The following ZNF536 variants were observed in gnomAD, a reference collection of about 807,000 sequenced individuals.
ZNF536 encodes the protein zinc finger protein 536.
Under a neutral mutation model 84.5 loss-of-function variants are expected in ZNF536, and 13 were observed. That is an observed-to-expected ratio of 0.15 (90% CI 0.10 to 0.24). The LOEUF (loss-of-function observed/expected upper bound fraction) is 0.24, where lower values mean the gene tolerates loss of function less well. Among genes scored for constraint, ZNF536 ranks in the 10% least tolerant of loss-of-function variants. ZNF536 has a pLI of 1.00. For missense variants in ZNF536, 1,536 were observed against 1,747.5 expected (o/e 0.88, Z 2.16); for synonymous variants, 811 against 742.5 (o/e 1.09, Z -1.50).
chr19:30,564,304 A>G (rs2046276039), intron 1 of ZNF536, among the ~76,000 whole-genome samples: 1 of 152,178 alleles, frequency 6.6e-6, no homozygotes, highest in Non-Finnish European at 1.5e-5. Context: ...ATCTAAAAAA[A>G]AGAAAAAAGG....
At chr19:30,361,802 G>A (rs1029834079) in intron 3 of ZNF536, among the ~76,000 whole-genome samples, 5 of 145,344 alleles carry the variant, frequency 3.4e-5, no homozygotes, top group Admixed American at 1.4e-4. Context: ...TGGCAAGGCA[G>A]GCGTCCTCCA....
In ZNF536 at chr19:30,482,929, C is replaced by T. The variant is rs150956744; in HGVS notation, c.2170+37197C>T. Among the ~76,000 whole-genome samples, 485 of 152,288 alleles carry T rather than the reference C, an allele frequency of 3.2e-3. 5 individuals are homozygous for T. Among genetic ancestry groups the T allele is most frequent in the African/African-American group, 0.011 (465 of 41,570 alleles). On this transcript the variant is annotated intron_variant, in intron 2 of 4. Transcript: ENST00000355537. ...ATAGCGCCCTCCTCTGGGTCCACCC[C>T]TTGCTTGGTGCTGTATGCTTCTTGC...
At chr19:30,660,955 GT>G (rs1252480159) in intron 1 of ZNF536, among the ~76,000 whole-genome samples, 1 of 152,148 alleles carries the variant, frequency 6.6e-6, no homozygotes, top group Non-Finnish European at 1.5e-5. Flanking sequence ...CGCCTGTTTC[GT>G]TTTGTGCAAA....
intron 1 of ZNF536, among the ~76,000 whole-genome samples, chr19:30,383,451 G>A (rs995198510): frequency 1.3e-5 from 2 of 152,178 alleles, no homozygotes; most frequent in African/African-American, 4.8e-5. Flanking sequence ...AGTTCCAGGA[G>A]GCCCTGTGGA....
chr19:30,341,233 A>G (rs1429970311), intron 2 of ZNF536, among the ~76,000 whole-genome samples: 1 of 152,210 alleles, frequency 6.6e-6, no homozygotes, highest in Non-Finnish European at 1.5e-5. Context: ...ATGTTTTAAG[A>G]TATTTTATAG....
At chr19:30,691,995 T>C (rs551653969) in intron 1 of ZNF536, among the ~76,000 whole-genome samples, 22 of 152,192 alleles carry the variant, frequency 1.4e-4, no homozygotes, top group Non-Finnish European at 2.6e-4. Context: ...GGTCTTTGTC[T>C]CTGCAGGCGG....
At chr19:30,602,309 G>A (rs983463099) in intron 1 of ZNF536, among the ~76,000 whole-genome samples, 1 of 152,188 alleles carries the variant, frequency 6.6e-6, no homozygotes, top group African/African-American at 2.4e-5. Flanking sequence ...GCTTTATGGA[G>A]TATCTGCTCT....
chr19:30,280,785 T>C (rs983830529), intron 1 of ZNF536, among the ~76,000 whole-genome samples: 1 of 152,224 alleles, frequency 6.6e-6, no homozygotes, highest in African/African-American at 2.4e-5. Context: ...AGGGAGGGTT[T>C]CTCTGGCTCC....
intron 1 of ZNF536, among the ~76,000 whole-genome samples, chr19:30,433,254 C>T (rs1400545430): frequency 1.3e-5 from 2 of 152,170 alleles, no homozygotes; most frequent in Admixed American, 6.5e-5. Flanking sequence ...CACTCCCATC[C>T]CACTGTGACC....
At chr19:30,575,666 A>C (rs2046705523) in intron 1 of ZNF536, among the ~76,000 whole-genome samples, 1 of 152,218 alleles carries the variant, frequency 6.6e-6, no homozygotes, top group Non-Finnish European at 1.5e-5. Context: ...CGGGTAGGTT[A>C]GATGGTGAGA....
At chr19:30,682,238 A>C (rs1394809171) in intron 1 of ZNF536, among the ~76,000 whole-genome samples, 1 of 152,146 alleles carries the variant, frequency 6.6e-6, no homozygotes, top group African/African-American at 2.4e-5. Flanking sequence ...TTGGGTTTGC[A>C]TACAGCCTGT....
intron 2 of ZNF536, among the ~76,000 whole-genome samples, chr19:30,322,199 C>A (rs1391437509): frequency 6.6e-6 from 1 of 152,146 alleles, no homozygotes; most frequent in African/African-American, 2.4e-5. Flanking sequence ...GAGTTTGGGA[C>A]CATCATTTGT....
chr19:30,490,294 A>T (rs1012785204), intron 2 of ZNF536, among the ~76,000 whole-genome samples: 2 of 152,236 alleles, frequency 1.3e-5, no homozygotes, highest in South Asian at 4.1e-4. Flanking sequence ...TAGCAATAGA[A>T]GATCCTATTA....
intron 1 of ZNF536, among the ~76,000 whole-genome samples, chr19:30,644,144 C>A (rs2049371992): frequency 1.3e-5 from 2 of 152,122 alleles, no homozygotes; most frequent in Admixed American, 6.5e-5. Flanking sequence ...CTTCAGTTGT[C>A]CCTGGGAGAT....
rs748397455 is a variant in ZNF536 at position 30,446,799 on chromosome 19, A to T, written c.2170+1067A>T. Among the ~76,000 whole-genome samples the T allele has an allele frequency of 1.3e-3, 169 of 129,636 alleles. 2 individuals carry two copies. The highest frequency in any genetic ancestry group is 2.4e-3 in the Non-Finnish European group (152 of 63,252). The allele number at this position is 129,636 out of a possible 152,430, so 85.0% of individuals were successfully genotyped here. A position where few individuals can be genotyped will look rare whatever the true frequency, so the allele number is the denominator to read the frequency against. The stretch of plus-strand genomic sequence containing the variant: ...ATTATGAAGCTTCCTGGCCCAGTTT[A>T]AAAAAAAAACCAAAACAACAACAAC... On this transcript the variant is annotated intron_variant, in intron 2 of 4. Transcript: ENST00000355537.
intron 2 of ZNF536, among the ~76,000 whole-genome samples, chr19:30,336,922 C>T (rs995951394): frequency 2.0e-5 from 3 of 152,120 alleles, no homozygotes; most frequent in Admixed American, 6.5e-5. Context: ...GTGATTAGTT[C>T]GAGGAAAGTG....
chr19:30,465,059 G>A (rs973066484), intron 2 of ZNF536, among the ~76,000 whole-genome samples: 8 of 152,220 alleles, frequency 5.3e-5, no homozygotes, highest in South Asian at 2.1e-4. Context: ...TTGTTTCCAC[G>A]CTTAGAATCC....
intron 1 of ZNF536, among the ~76,000 whole-genome samples, chr19:30,419,926 G>A (rs933734603): frequency 3.9e-5 from 6 of 152,236 alleles, no homozygotes; most frequent in African/African-American, 1.4e-4. Context: ...GGAGGGGACA[G>A]AGTTCCCATC....
At chr19:30,631,985 G>A (rs2048904463) in intron 1 of ZNF536, among the ~76,000 whole-genome samples, 2 of 152,136 alleles carry the variant, frequency 1.3e-5, no homozygotes, top group African/African-American at 2.4e-5. Flanking sequence ...GGCCCCTCTT[G>A]CCACCTCCCC....
Sources: allele counts gnomAD v4.1 joint callset (sites outside exome capture counted in the v4.1 genomes callset), GRCh38; gene constraint gnomAD v4.1.1; transcripts MANE v1.5; gene names NCBI Gene and HGNC (gene_info 2026-07-23, HGNC 2026-07-21).